The following CACNA1E variants were observed in gnomAD, a reference collection of about 807,000 sequenced individuals.
CACNA1E encodes the protein voltage-dependent R-type calcium channel subunit alpha-1E.
Under a neutral mutation model 259.2 loss-of-function variants are expected in CACNA1E, and 40 were observed. That is an observed-to-expected ratio of 0.15 (90% CI 0.12 to 0.20). The LOEUF (loss-of-function observed/expected upper bound fraction) is 0.20, where lower values mean the gene tolerates loss of function less well. CACNA1E is among the 10% of genes least tolerant of loss of function. CACNA1E has a pLI of 1.00. For missense variants in CACNA1E, 1,874 were observed against 3,040.1 expected (o/e 0.62, Z 9.02); for synonymous variants, 1,104 against 1,138.5 (o/e 0.97, Z 0.61).
chr1:181,645,316 A>G (rs966138330), intron 6 of CACNA1E, among the ~76,000 whole-genome samples: 2 of 152,082 alleles, frequency 1.3e-5, no homozygotes, highest in Admixed American at 6.5e-5. Context: ...ATATATTTTG[A>G]CAAAATCCGG....
At chr1:181,452,263 T>C (rs1298149689) in intron 2 of CACNA1E, among the ~76,000 whole-genome samples, 2 of 152,246 alleles carry the variant, frequency 1.3e-5, no homozygotes, top group Non-Finnish European at 2.9e-5. Flanking sequence ...TTTATGAGAC[T>C]GTGCAGTTTA....
intron 1 of CACNA1E, among the ~76,000 whole-genome samples, chr1:181,336,985 TTATA>T (rs964802841): frequency 6.7e-5 from 10 of 148,856 alleles, no homozygotes; most frequent in Non-Finnish European, 1.5e-4. Flanking sequence ...ATATAGATAT[TTATA>T]TATCTATATT....
At chr1:181,644,111 C>T (rs968300996) in intron 6 of CACNA1E, among the ~76,000 whole-genome samples, 4 of 152,152 alleles carry the variant, frequency 2.6e-5, no homozygotes, top group Non-Finnish European at 4.4e-5. Context: ...GCTGAGAAGA[C>T]AGCTTTCATT....
intron 25 of CACNA1E, among the ~76,000 whole-genome samples, chr1:181,744,902 T>C (rs1425261782): frequency 6.6e-6 from 1 of 152,186 alleles, no homozygotes; most frequent in Non-Finnish European, 1.5e-5. Flanking sequence ...GGAGGCCAGC[T>C]GAAAAGGAAT....
intron 2 of CACNA1E, among the ~76,000 whole-genome samples, chr1:181,466,258 TTAGGC>T (rs1662146658): frequency 6.6e-6 from 1 of 152,144 alleles, no homozygotes; most frequent in Non-Finnish European, 1.5e-5. Context: ...AACTTACCCA[TTAGGC>T]TGGGCATGGT....
At chr1:181,426,449 C>G (rs148463891) in intron 2 of CACNA1E, among the ~76,000 whole-genome samples, 2 of 141,184 alleles carry the variant, frequency 1.4e-5, no homozygotes, top group African/African-American at 5.3e-5. Flanking sequence ...CCATTCCCAT[C>G]ATGGCCCCAT....
At chr1:181,333,479 A>G (rs1187411610) in intron 1 of CACNA1E, among the ~76,000 whole-genome samples, 1 of 152,236 alleles carries the variant, frequency 6.6e-6, no homozygotes, top group Admixed American at 6.5e-5. Context: ...AAGCAGCCAC[A>G]GCCAATACAT....
At chr1:181,630,656 A>C (rs1656643003) in intron 6 of CACNA1E, among the ~76,000 whole-genome samples, 1 of 152,014 alleles carries the variant, frequency 6.6e-6, no homozygotes, top group African/African-American at 2.4e-5. Context: ...GTGAGAGGAC[A>C]CCTCTGGTAT....
At chr1:181,399,596 A>G (rs1656942115) in intron 1 of CACNA1E, among the ~76,000 whole-genome samples, 1 of 152,260 alleles carries the variant, frequency 6.6e-6, no homozygotes, top group South Asian at 2.1e-4. Context: ...GGAGGTGTTC[A>G]AAGACTGAAT....
chr1:181,486,244 C>T (rs1663806968), intron 1 of CACNA1E, among the ~76,000 whole-genome samples: 1 of 152,202 alleles, frequency 6.6e-6, no homozygotes, highest in Non-Finnish European at 1.5e-5. Context: ...TGGCCCCGAG[C>T]CCTGTCCCAA....
intron 6 of CACNA1E, among the ~76,000 whole-genome samples, chr1:181,602,588 G>C (rs996419870): frequency 3.3e-5 from 5 of 152,254 alleles, no homozygotes; most frequent in South Asian, 2.1e-4. Context: ...CATGGGATGG[G>C]AGGGTGGTCA....
chr1:181,793,994 C>T (rs995360527), intron 45 of CACNA1E, among the ~76,000 whole-genome samples: 4 of 152,302 alleles, frequency 2.6e-5, no homozygotes, highest in South Asian at 2.1e-4. Flanking sequence ...AACAGCCCAG[C>T]GAACAAAATT....
At chr1:181,578,122 TTTATC>T (rs1177601017) in intron 4 of CACNA1E, among the ~76,000 whole-genome samples, 1 of 152,258 alleles carries the variant, frequency 6.6e-6, no homozygotes, top group Non-Finnish European at 1.5e-5. Flanking sequence ...AAAAGTGCTC[TTTATC>T]TTATCACTCA....
chr1:181,390,891 G>A (rs575316548), intron 1 of CACNA1E, among the ~76,000 whole-genome samples: 1 of 152,270 alleles, frequency 6.6e-6, no homozygotes, highest in Admixed American at 6.5e-5. Flanking sequence ...CTGTTGGAAA[G>A]ATGCCCGAGG....
intron 2 of CACNA1E, 44 bp from the exon 3 acceptor site, chr1:181,511,327 C>A: frequency 6.2e-7 from 1 of 1,610,400 alleles, no homozygotes; most frequent in Non-Finnish European, 8.5e-7. Flanking sequence ...TCTCATAAAG[C>A]ACAGTCCTCT....
At chr1:181,766,649 G>A in intron 35 of CACNA1E, 38 bp downstream of exon 35, 1 of 1,477,730 alleles carries the variant, frequency 6.8e-7, no homozygotes, top group Non-Finnish European at 9.4e-7. Flanking sequence ...GGGGACAGCT[G>A]TTACCCAGAT....
At chr1:181,491,946 C>G (rs573901541) in intron 1 of CACNA1E, among the ~76,000 whole-genome samples, 6 of 152,202 alleles carry the variant, frequency 3.9e-5, no homozygotes, top group Admixed American at 3.9e-4. Flanking sequence ...AGGTGTAGCC[C>G]CAGGGAGGGG....
intron 1 of CACNA1E, among the ~76,000 whole-genome samples, chr1:181,484,440 A>G (rs1417980420): frequency 1.3e-5 from 2 of 152,150 alleles, no homozygotes; most frequent in Non-Finnish European, 2.9e-5. Flanking sequence ...GAGACACCGC[A>G]CTGTCTTCCT....
At chr1:181,370,488 T>C (rs1304314036) in intron 1 of CACNA1E, among the ~76,000 whole-genome samples, 4 of 152,160 alleles carry the variant, frequency 2.6e-5, no homozygotes, top group Non-Finnish European at 5.9e-5. Flanking sequence ...TGCCCCTGTG[T>C]ACTCAATGTT....
Sources: allele counts gnomAD v4.1 joint callset (sites outside exome capture counted in the v4.1 genomes callset), GRCh38; gene constraint gnomAD v4.1.1; transcripts MANE v1.5; gene names NCBI Gene and HGNC (gene_info 2026-07-23, HGNC 2026-07-21).